Variants in RNF145 observed in about 807,000 individuals in gnomAD.
RNF145 encodes ring finger protein 145.
In RNF145, 12 loss-of-function variants were observed where a neutral mutation model predicts 57.3. The ratio of observed to expected loss-of-function variants is 0.21; its 90% CI spans 0.13 to 0.34. RNF145 has a LOEUF of 0.34. Among genes scored for constraint, RNF145 ranks in the 10% least tolerant of loss-of-function variants. RNF145 has a pLI of 1.00. For missense variants in RNF145, 429 were observed against 799.0 expected (o/e 0.54, Z 5.58); for synonymous variants, 262 against 288.3 (o/e 0.91, Z 0.92).
At chr5:159,188,145 G>A (rs996065681) in intron 3 of RNF145, among the ~76,000 whole-genome samples, 8 of 152,096 alleles carry the variant, frequency 5.3e-5, no homozygotes, top group Non-Finnish European at 1.2e-4. Flanking sequence ...CACTTTGGAA[G>A]GCCAAGGCGG....
intron 2 of RNF145, among the ~76,000 whole-genome samples, chr5:159,202,938 T>G (rs1206406340): frequency 6.6e-6 from 1 of 151,944 alleles, no homozygotes; most frequent in East Asian, 1.9e-4. Context: ...AAAAAAATTA[T>G]AGTTCCAGGA....
chr5:159,169,624 C>T, intron 7 of RNF145, 55 bp downstream of exon 7: 1 of 1,365,928 alleles, frequency 7.3e-7, no homozygotes, highest in East Asian at 2.6e-5. Flanking sequence ...ATCATTACTT[C>T]CTCAAGTTAT....
intron 6 of RNF145, among the ~76,000 whole-genome samples, chr5:159,172,904 G>A (rs1207825741): frequency 6.6e-6 from 1 of 152,118 alleles, no homozygotes; most frequent in Non-Finnish European, 1.5e-5. Flanking sequence ...TTTATAGGAG[G>A]ACAGATTTTC....
At chr5:159,206,743 G>T (rs1488347024) in intron 1 of RNF145, among the ~76,000 whole-genome samples, 1 of 152,050 alleles carries the variant, frequency 6.6e-6, no homozygotes, top group Non-Finnish European at 1.5e-5. Flanking sequence ...AAAATAAGCA[G>T]GAGAGCTGAA....
intron 9 of RNF145, among the ~76,000 whole-genome samples, chr5:159,162,130 T>G (rs1247182851): frequency 6.6e-6 from 1 of 152,250 alleles, no homozygotes; most frequent in African/African-American, 2.4e-5. Context: ...GGCAATATTT[T>G]GTGTGTGCAT....
chr5:159,180,781 T>G (rs1475681989), intron 4 of RNF145, among the ~76,000 whole-genome samples: 1 of 152,104 alleles, frequency 6.6e-6, no homozygotes, highest in African/African-American at 2.4e-5. Context: ...TCTTCAAAAT[T>G]GAGTATGTGC....
At chr5:159,190,324 A>G (rs1785244333) in intron 3 of RNF145, among the ~76,000 whole-genome samples, 1 of 152,098 alleles carries the variant, frequency 6.6e-6, no homozygotes, top group South Asian at 2.1e-4. Context: ...GTGAGCCACC[A>G]TACAAGGCCC....
At chr5:159,183,573 T>C (rs1784964070) in intron 3 of RNF145, among the ~76,000 whole-genome samples, 1 of 152,002 alleles carries the variant, frequency 6.6e-6, no homozygotes. Context: ...AACTAAAAAA[T>C]TAAAAGAATT....
At position 159,199,386 on chromosome 5, in the gene RNF145, C is replaced by T. The variant is rs1211139969; in HGVS notation, c.184+4048G>A. 1.2e-4 allele frequency among the ~76,000 whole-genome samples: 8 copies of T among 65,098 alleles called. No homozygotes were observed. The East Asian group carries it at 2.3e-3, about 18-fold the overall frequency. 42.7% of individuals were successfully genotyped at this position (65,098 alleles called of 152,430 possible). A position where few individuals can be genotyped will look rare whatever the true frequency, so the allele number is the denominator to read the frequency against. On this transcript the variant is annotated intron_variant, in intron 2 of 10. Coordinates refer to ENST00000424310, the MANE Select transcript of RNF145 (RefSeq NM_001199383.2). ...ATGGTCAGGGAGTTAGGAGAAAAAT[C>T]AGGAAAAAAAAAAAAAACACTTTCA...
chr5:159,201,794 T>C (rs1785677803), intron 2 of RNF145, among the ~76,000 whole-genome samples: 1 of 152,192 alleles, frequency 6.6e-6, no homozygotes, highest in South Asian at 2.1e-4. Flanking sequence ...AGCTACATGG[T>C]GTTCAGAGTG....
chr5:159,182,117 A>T, intron 3 of RNF145, 66 bp from the exon 4 acceptor site: 14 of 929,886 alleles, frequency 1.5e-5, no homozygotes, highest in Non-Finnish European at 2.2e-5. Context: ...CAATATGCTT[A>T]TAAAAGCATA....
intron 5 of RNF145, among the ~76,000 whole-genome samples, chr5:159,175,680 C>T (rs1784698686): frequency 6.6e-6 from 1 of 152,142 alleles, no homozygotes; most frequent in African/African-American, 2.4e-5. Flanking sequence ...CCTGGGAAAA[C>T]TGCCCAAGTT....
At chr5:159,207,696 G>C in intron 1 of RNF145, 1 of 1,612,550 alleles carries the variant, frequency 6.2e-7, no homozygotes, top group African/African-American at 1.3e-5. Context: ...AATGGCACAT[G>C]TTTTAAATAT....
At chr5:159,184,057 C>T (rs1035959538) in intron 3 of RNF145, among the ~76,000 whole-genome samples, 1 of 152,034 alleles carries the variant, frequency 6.6e-6, no homozygotes, top group African/African-American at 2.4e-5. Context: ...CACAAAGTGC[C>T]CCAGAAGGGC....
intron 4 of RNF145, among the ~76,000 whole-genome samples, chr5:159,179,213 G>T (rs534356523): frequency 6.6e-6 from 1 of 151,990 alleles, no homozygotes; most frequent in Non-Finnish European, 1.5e-5. Context: ...CTCATATGGC[G>T]TATTTAAGAG....
At chr5:159,189,179 G>C (rs950692309) in intron 3 of RNF145, among the ~76,000 whole-genome samples, 6 of 152,064 alleles carry the variant, frequency 3.9e-5, no homozygotes, top group Non-Finnish European at 8.8e-5. Flanking sequence ...GATCTGATAA[G>C]GGACTTGTAT....
chr5:159,167,410 G>C (rs1784422897), intron 8 of RNF145, among the ~76,000 whole-genome samples: 1 of 152,162 alleles, frequency 6.6e-6, no homozygotes, highest in Non-Finnish European at 1.5e-5. Flanking sequence ...TCTAATTTTG[G>C]AGAAAGCCAG....
At chr5:159,201,539 G>A (rs1785666730) in intron 2 of RNF145, among the ~76,000 whole-genome samples, 2 of 152,028 alleles carry the variant, frequency 1.3e-5, no homozygotes, top group South Asian at 2.1e-4. Context: ...ATGAGGCCTC[G>A]ATATCTACTC....
intron 4 of RNF145, among the ~76,000 whole-genome samples, chr5:159,177,960 C>T (rs897905109): frequency 1.3e-5 from 2 of 151,972 alleles, no homozygotes; most frequent in African/African-American, 2.4e-5. Flanking sequence ...AATACGTATC[C>T]TACTGCCTGA....
Sources: gnomAD v4.1 joint callset for allele counts (sites outside exome capture counted in the v4.1 genomes callset) on GRCh38, gnomAD v4.1.1 for gene constraint, MANE v1.5 for transcripts, NCBI Gene and HGNC (gene_info 2026-07-23, HGNC 2026-07-21) for gene names.